TFAP2E: variants seen among roughly 807,000 people sequenced by gnomAD.
TFAP2E encodes the protein transcription factor AP-2 epsilon.
A neutral mutation model predicts 37.9 loss-of-function variants in TFAP2E; 30 were observed. That is an observed-to-expected ratio of 0.79 (90% CI 0.59 to 1.07). The LOEUF (loss-of-function observed/expected upper bound fraction) is 1.07, where lower values mean the gene tolerates loss of function less well. Among genes scored for constraint, TFAP2E ranks in the 50% least tolerant of loss-of-function variants. The pLI is 0.00. For missense variants in TFAP2E, 567 were observed against 637.9 expected (o/e 0.89, Z 1.20); for synonymous variants, 318 against 295.8 (o/e 1.08, Z -0.77).
In TFAP2E at chr1:35,577,422, G is replaced by A. The variant is rs1649212067; in HGVS notation, c.562+2422G>A. The stretch of plus-strand genomic sequence containing the variant: ...TCCTCGGCCCTTCCGACGGCACGAG[G>A]AACTCCTGTCCTGCCCCACAGACCT... On this transcript the variant is annotated intron_variant, in intron 3 of 6. Coordinates refer to ENST00000373235, the MANE Select transcript of TFAP2E (RefSeq NM_178548.4). This position sits in a 1 kb window ranked among gnomAD's most constrained non-coding sequence, Gnocchi z 6.3. The A allele has an allele frequency of 2.2e-6, 1 of 456,810 alleles. No individual in the cohort carries two copies. The highest frequency in any genetic ancestry group is 4.4e-6 in the Non-Finnish European group (1 of 226,990). The allele number at this position is 456,810 out of a possible 1,614,324, so 28.3% of individuals were successfully genotyped here. A position where few individuals can be genotyped will look rare whatever the true frequency, so the allele number is the denominator to read the frequency against.
At chr1:35,586,284 G>C (rs1448532134) in intron 3 of TFAP2E, among the ~76,000 whole-genome samples, 1 of 152,158 alleles carries the variant, frequency 6.6e-6, no homozygotes, top group Non-Finnish European at 1.5e-5. Context: ...CTTACTTGCT[G>C]TCCCACTTTA....
chr1:35,575,087 C>G (rs1649132160), intron 3 of TFAP2E, 87 bp downstream of exon 3: 1 of 1,542,082 alleles, frequency 6.5e-7, no homozygotes, highest in Admixed American at 1.7e-5. Context: ...GCCGTGCCTC[C>G]TGTGTGTCGC....
At chr1:35,592,222 C>T (rs555702906) in intron 6 of TFAP2E, among the ~76,000 whole-genome samples, 2 of 151,546 alleles carry the variant, frequency 1.3e-5, no homozygotes, top group South Asian at 4.2e-4. Context: ...GAGGTCAAGG[C>T]TGCAGTAAGC....
In TFAP2E at chr1:35,588,322, C is replaced by T. The variant is rs1649548326; in HGVS notation, c.563-8C>T. 1.9e-6 allele frequency: 3 copies of T among 1,603,864 alleles called. No homozygotes were observed. The East Asian group carries it at 6.7e-5, about 36-fold the overall frequency. Reference sequence around the variant, plus strand: ...GCCACTGGCTCAGCGTTTCCCTCTTCTCCACAGTGCCCATCCCCTCCAAAG... The same window carrying T: ...GCCACTGGCTCAGCGTTTCCCTCTTTTCCACAGTGCCCATCCCCTCCAAAG... On this transcript the variant is annotated splice_polypyrimidine_tract_variant and splice_region_variant and intron_variant, in intron 3 of 6. Coordinates refer to ENST00000373235, the MANE Select transcript of TFAP2E (RefSeq NM_178548.4). This position sits in a 1 kb window ranked among gnomAD's most constrained non-coding sequence, Gnocchi z 5.1.
chr1:35,576,853 C>T (rs1229219971), intron 3 of TFAP2E, among the ~76,000 whole-genome samples: 1 of 152,308 alleles, frequency 6.6e-6, no homozygotes, highest in South Asian at 2.1e-4. Context: ...CTCCCTGGAG[C>T]GGGGCGGGAC....
At chr1:35,579,123 G>A (rs958644259) in intron 3 of TFAP2E, among the ~76,000 whole-genome samples, 2 of 146,366 alleles carry the variant, frequency 1.4e-5, no homozygotes, top group East Asian at 2.0e-4. Context: ...GCCGGGCGGC[G>A]GTGGCTCACA....
At chr1:35,583,582 G>A (rs899026246) in intron 3 of TFAP2E, among the ~76,000 whole-genome samples, 3 of 151,186 alleles carry the variant, frequency 2.0e-5, no homozygotes, top group South Asian at 2.1e-4. Flanking sequence ...TTGAATAACC[G>A]GGAGCTCTTG....
chr1:35,592,189 G>A (rs1256046738), intron 6 of TFAP2E, among the ~76,000 whole-genome samples: 2 of 152,028 alleles, frequency 1.3e-5, no homozygotes, highest in East Asian at 1.9e-4. Context: ...GGAGGCTGAG[G>A]TGGGAGGATA....
chr1:35,592,017 G>T (rs1055984396), intron 6 of TFAP2E, among the ~76,000 whole-genome samples: 1 of 152,182 alleles, frequency 6.6e-6, no homozygotes, highest in African/African-American at 2.4e-5. Context: ...GCCAGGCAAG[G>T]TGGCTCACAT....
Position 35,573,922 on chromosome 1 carries a change from C to T in TFAP2E, c.28-5C>T. On this transcript the variant is annotated splice_region_variant and splice_polypyrimidine_tract_variant and intron_variant, in intron 1 of 6. Transcript: ENST00000373235. This position sits in a 1 kb window ranked among gnomAD's most constrained non-coding sequence, Gnocchi z 5.9. ...GTCACCTAAGGCACCCCTCTCCTTC[C>T]CCAGGAGCGCCCCGACGGGCTGGGA... 2 of 1,451,386 alleles carry T rather than the reference C, an allele frequency of 1.4e-6. No individual in the cohort carries two copies. The highest frequency in any genetic ancestry group is 2.8e-5 in the Admixed American group (1 of 35,760). 89.9% of individuals were successfully genotyped at this position (1,451,386 alleles called of 1,614,324 possible).
intron 3 of TFAP2E, among the ~76,000 whole-genome samples, chr1:35,579,328 G>T (rs919845237): frequency 6.6e-6 from 1 of 150,954 alleles, no homozygotes; most frequent in East Asian, 2.0e-4. Flanking sequence ...CCTGCGGGGC[G>T]GAGGTTGCAG....
rs921667633 is a variant in TFAP2E at position 35,573,408 on chromosome 1, C to T, written c.-170C>T. On this transcript the variant is annotated 5_prime_UTR_variant, in exon 1 of 7. In the 5' UTR this introduces an upstream ATG that the reference lacks. Transcript: ENST00000373235. The surrounding 1 kb of genome is among the most constrained non-coding windows in gnomAD (Gnocchi z 5.9). ...CTGCCTCCATGGACCCGCCCGGGAA[C>T]GGCCACCGCTGAGGACCCCACGCCC... The T allele has an allele frequency of 4.1e-5, 35 of 846,640 alleles. No individual in the cohort carries two copies. The African/African-American group carries it at 5.8e-4, about 14-fold the overall frequency. The allele number at this position is 846,640 out of a possible 1,614,324, so 52.4% of individuals were successfully genotyped here.
Position 35,574,374 on chromosome 1 carries a change from G to T in TFAP2E, c.475G>T (p.Gly159Trp), listed in dbSNP as rs547563118. Reference protein sequence around the residue: ...GLADAPLGLPGLAAAPGLEDL... With the variant: ...GLADAPLGLPWLAAAPGLEDL... ...GGCAGACGCACCTCTCGGCCTTCCG[G>T]GGCTGGCGGCGGCCCCCGGTCTGGA... is the stretch of plus-strand genomic sequence containing the variant. Residue 159 changes from glycine to tryptophan, a missense_variant, in exon 2 of 7, where the codon GGG (glycine) becomes TGG (tryptophan). Coordinates refer to ENST00000373235, the MANE Select transcript of TFAP2E (RefSeq NM_178548.4). 17 of 1,443,210 alleles carry T rather than the reference G, an allele frequency of 1.2e-5. No individual in the cohort carries two copies. The highest frequency in any genetic ancestry group is 4.0e-4 in the Middle Eastern group (2 of 4,980). 89.4% of individuals were successfully genotyped at this position (1,443,210 alleles called of 1,614,324 possible). A position where few individuals can be genotyped will look rare whatever the true frequency, so the allele number is the denominator to read the frequency against.
At chr1:35,592,449 G>A (rs543396808) in intron 6 of TFAP2E, among the ~76,000 whole-genome samples, 1 of 152,240 alleles carries the variant, frequency 6.6e-6, no homozygotes, top group Non-Finnish European at 1.5e-5. Flanking sequence ...CCAGGCCGGA[G>A]TGCAGTGGTG....
intron 3 of TFAP2E, among the ~76,000 whole-genome samples, chr1:35,583,730 G>A (rs1371907772): frequency 6.6e-6 from 1 of 152,054 alleles, no homozygotes; most frequent in African/African-American, 2.4e-5. Context: ...CTGTGTGTGT[G>A]GGAGACAAAC....
intron 3 of TFAP2E, among the ~76,000 whole-genome samples, chr1:35,584,835 C>A (rs905944261): frequency 3.9e-5 from 6 of 152,114 alleles, no homozygotes; most frequent in Non-Finnish European, 8.8e-5. Flanking sequence ...TGCCTGGCCT[C>A]ATTTGTAGTT....
At chr1:35,582,708 G>A (rs1169019640) in intron 3 of TFAP2E, among the ~76,000 whole-genome samples, 1 of 151,234 alleles carries the variant, frequency 6.6e-6, no homozygotes, top group Non-Finnish European at 1.5e-5. Flanking sequence ...GAGTTTGGTG[G>A]CTATTTACAG....
At chr1:35,592,058 G>C (rs1557439610) in intron 6 of TFAP2E, among the ~76,000 whole-genome samples, 2 of 152,124 alleles carry the variant, frequency 1.3e-5, no homozygotes, top group Non-Finnish European at 2.9e-5. Flanking sequence ...AGAGGCTGAG[G>C]CTGGTGGATC....
Position 35,588,961 on chromosome 1 carries a change from G to T in TFAP2E, c.785+409G>T, listed in dbSNP as rs1315730520. Among the ~76,000 whole-genome samples the T allele has an allele frequency of 6.6e-6, 1 of 152,096 alleles. No homozygotes were observed. The highest frequency in any genetic ancestry group is 1.9e-4 in the East Asian group (1 of 5,198). On this transcript the variant is annotated intron_variant, in intron 4 of 6. Transcript: ENST00000373235. This position sits in a 1 kb window ranked among gnomAD's most constrained non-coding sequence, Gnocchi z 5.1. The stretch of plus-strand genomic sequence containing the variant: ...GGGGTGTGGAGCATGGTAGTCCATG[G>T]TTCATCTTCCTAGACCTGTGTCTCT...
Sources: gnomAD v4.1 joint callset for allele counts (sites outside exome capture counted in the v4.1 genomes callset) on GRCh38, gnomAD v4.1.1 for gene constraint, Gnocchi (gnomAD v3.1) non-coding constraint, MANE v1.5 for transcripts, NCBI Gene and HGNC (gene_info 2026-07-23, HGNC 2026-07-21) for gene names.